MRGPRF: variants seen among roughly 807,000 people sequenced by gnomAD.
MRGPRF encodes MAS related GPR family member F, also known as mas-related G protein-coupled receptor member F.
Under a neutral mutation model 3.3 loss-of-function variants are expected in MRGPRF, and 2 were observed. The ratio of observed to expected loss-of-function variants is 0.61; its 90% CI spans 0.25 to 1.92. The LOEUF is 1.92. Among genes scored for constraint, MRGPRF ranks in the 40% most tolerant of loss-of-function variants. MRGPRF has a pLI of 0.16. For missense variants in MRGPRF, 500 were observed against 476.0 expected (o/e 1.05, Z -0.47); for synonymous variants, 242 against 222.7 (o/e 1.09, Z -0.77).
chr11:69,005,892 C>G lies in MRGPRF; in HGVS notation c.418G>C (p.Glu140Gln), dbSNP rs754875925. The G allele has an allele frequency of 2.5e-6, 4 of 1,569,294 alleles. No individual in the cohort carries two copies. The highest frequency in any genetic ancestry group is 1.3e-5 in the African/African-American group (1 of 74,252). Residue 140 changes from glutamate (E) to glutamine (Q), a missense_variant, in exon 3 of 3, where the codon GAG becomes CAG. By Grantham distance (29) the Glu-to-Gln change is conservative. Coordinates refer to ENST00000309099, the MANE Select transcript of MRGPRF (RefSeq NM_145015.5). Reference sequence around the variant, plus strand: ...GGGAAGATGACCGAGGCGCAGCGCTCGGCGCTGACGGCCGGCAGGAGGCTC... The same window carrying G: ...GGGAAGATGACCGAGGCGCAGCGCTGGGCGCTGACGGCCGGCAGGAGGCTC... ...GVSLLPAVSA[E>Q]RCASVIFPAW...
Position 69,013,193 on chromosome 11 carries a change from C to T in MRGPRF, c.-167G>A, listed in dbSNP as rs974752745. Reference sequence around the variant, plus strand: ...CAGCAGGCCAGCGCCGAGCGCGGCCCGGAGCCTTGGAAAATAGGAGCTCAG... The same window carrying T: ...CAGCAGGCCAGCGCCGAGCGCGGCCTGGAGCCTTGGAAAATAGGAGCTCAG... On this transcript the variant is annotated 5_prime_UTR_variant, in exon 1 of 3. Coordinates refer to ENST00000309099, the MANE Select transcript of MRGPRF (RefSeq NM_145015.5). 3 of 152,244 alleles carry T rather than the reference C, an allele frequency of 2.0e-5. No individual in the cohort carries two copies. The highest frequency in any genetic ancestry group is 4.8e-5 in the African/African-American group (2 of 41,438). 9.4% of individuals were successfully genotyped at this position (152,244 alleles called of 1,614,324 possible).
In MRGPRF at chr11:69,005,506, C is replaced by T. The variant is rs1422999419; in HGVS notation, c.804G>A (p.Pro268=). The stretch of plus-strand genomic sequence containing the variant: ...CAGTGACGTACTCGGGGAAGGGGGC[C>T]GGGATCTGGAAGACCCAGAAGAGGA... ...DWFLFWVFQI[P]APFPEYVTDL... The change falls in exon 3 of 3, where the codon CCG becomes CCA. Residue 268 remains proline, a synonymous_variant. Coordinates refer to ENST00000309099, the MANE Select transcript of MRGPRF (RefSeq NM_145015.5). 8.2e-6 allele frequency: 13 copies of T among 1,579,588 alleles called. No individual in the cohort carries two copies. Among genetic ancestry groups the T allele is most frequent in the Admixed American group, 3.6e-5 (2 of 54,818 alleles).
In MRGPRF at chr11:69,010,515, C is replaced by T. The variant is rs575005895; in HGVS notation, c.-56-558G>A. On this transcript the variant is annotated intron_variant, in intron 1 of 2. Transcript: ENST00000309099. ...CCGGTCATCAGCATCACTGTCACCA[C>T]CACTTACCCTGCCAGCCCGCCTACA... Among the ~76,000 whole-genome samples, 9 of 152,302 alleles carry T rather than the reference C, an allele frequency of 5.9e-5. No homozygotes were observed. The East Asian group carries it at 1.4e-3, about 23-fold the overall frequency.
At position 69,005,563 on chromosome 11, in the gene MRGPRF, C is replaced by T. The variant is rs558259656; in HGVS notation, c.747G>A (p.Leu249=). Residue 249 remains leucine (L), a synonymous_variant, in exon 3 of 3, where the codon CTG becomes CTA. Transcript: ENST00000309099. ...CGATCCCTAAGTAGATGGAGGACAC[C>T]AGGAAGACGGAGACCATGGCCAGGA... ...HVILAMVSVF[L]VSSIYLGIDW... is the part of the protein sequence containing the mutation. 5.0e-6 allele frequency: 8 copies of T among 1,586,150 alleles called. No homozygotes were observed. The African/African-American group carries it at 1.1e-4, about 21-fold the overall frequency.
At chr11:69,011,932 C>T (rs1002170229) in intron 1 of MRGPRF, among the ~76,000 whole-genome samples, 2 of 152,246 alleles carry the variant, frequency 1.3e-5, no homozygotes, top group Non-Finnish European at 2.9e-5. Context: ...CTACCATCTG[C>T]GTCCCTCCAT....
In MRGPRF at chr11:69,005,095, G is replaced by A. The variant is rs1860441375; in HGVS notation, c.*183C>T. The A allele has an allele frequency of 1.4e-6, 1 of 698,640 alleles. No homozygotes were observed. The highest frequency in any genetic ancestry group is 1.8e-5 in the African/African-American group (1 of 55,368). The allele number at this position is 698,640 out of a possible 1,614,324, so 43.3% of individuals were successfully genotyped here. On this transcript the variant is annotated 3_prime_UTR_variant, in exon 3 of 3. Transcript: ENST00000309099. ...CGGGCAGGGGCCACAGGGTCTGTTT[G>A]CTGGTGGCTGCCCAGTCTCCCAGCC...
chr11:69,007,141 G>A (rs1294536142), intron 2 of MRGPRF, among the ~76,000 whole-genome samples: 1 of 152,220 alleles, frequency 6.6e-6, no homozygotes, highest in Non-Finnish European at 1.5e-5. Context: ...ATGTGGCTAC[G>A]GGAACGTCCT....
chr11:69,006,624 T>C (rs958196470), intron 2 of MRGPRF, among the ~76,000 whole-genome samples: 7 of 143,334 alleles, frequency 4.9e-5, no homozygotes, highest in Non-Finnish European at 7.6e-5. Flanking sequence ...TTTCCCTTTT[T>C]TTTTTTTTTT....
chr11:69,008,266 CT>C (rs1444374837), intron 2 of MRGPRF, among the ~76,000 whole-genome samples: 1 of 152,246 alleles, frequency 6.6e-6, no homozygotes, highest in African/African-American at 2.4e-5. Context: ...CCTCTCCGAC[CT>C]TTCCCCCCAG....
intron 1 of MRGPRF, among the ~76,000 whole-genome samples, chr11:69,011,342 C>T (rs1860593492): frequency 6.6e-6 from 1 of 152,178 alleles, no homozygotes; most frequent in Admixed American, 6.5e-5. Flanking sequence ...TCCCCTCGGC[C>T]CCGCGCTGCC....
At position 69,006,083 on chromosome 11, in the gene MRGPRF, T is replaced by G. The variant is rs1308314260; in HGVS notation, c.227A>C (p.Asn76Thr). ...LWFFGFSIKR[N>T]PFSIYFLHLA... ...GTGCAGGAAGTAGATGGAGAAGGGG[T>G]TCCTCTTGATGGAGAAGCCGAAAAA... The change falls in exon 3 of 3, where the codon AAC becomes ACC. Residue 76 changes from asparagine (N) to threonine (T), a missense_variant. By Grantham distance (65) the Asn-to-Thr change is moderately conservative. Transcript: ENST00000309099. 1 of 1,609,744 alleles carries G rather than the reference T, an allele frequency of 6.2e-7. No homozygotes were observed. Among genetic ancestry groups the G allele is most frequent in the East Asian group, 2.2e-5 (1 of 44,704 alleles).
intron 2 of MRGPRF, among the ~76,000 whole-genome samples, chr11:69,006,527 A>G (rs1860494200): frequency 6.6e-6 from 1 of 152,046 alleles, no homozygotes. Flanking sequence ...GTAGCACCAG[A>G]CAGTGCCCAG....
In MRGPRF at chr11:69,005,096, C is replaced by T; in HGVS notation, c.*182G>A. The T allele has an allele frequency of 4.2e-6, 3 of 707,476 alleles. No individual in the cohort carries two copies. The highest frequency in any genetic ancestry group is 2.2e-5 in the South Asian group (1 of 45,590). 43.8% of individuals were successfully genotyped at this position (707,476 alleles called of 1,614,324 possible). A position where few individuals can be genotyped will look rare whatever the true frequency, so the allele number is the denominator to read the frequency against. The stretch of plus-strand genomic sequence containing the variant: ...GGGCAGGGGCCACAGGGTCTGTTTG[C>T]TGGTGGCTGCCCAGTCTCCCAGCCA... On this transcript the variant is annotated 3_prime_UTR_variant, in exon 3 of 3. Coordinates refer to ENST00000309099, the MANE Select transcript of MRGPRF (RefSeq NM_145015.5).
At position 69,009,991 on chromosome 11, in the gene MRGPRF, C is replaced by G. The variant is rs1860564430; in HGVS notation, c.-56-34G>C. 9.2e-5 allele frequency: 129 copies of G among 1,406,344 alleles called. 1 individual carries two copies. The South Asian group carries it at 1.7e-3, about 19-fold the overall frequency. The allele number at this position is 1,406,344 out of a possible 1,614,324, so 87.1% of individuals were successfully genotyped here. ...AGCCCAGAGAGAGGGTGGATGAGGA[C>G]AGCAGGGACCCCTCCCCTTCCTGGA... is the stretch of plus-strand genomic sequence containing the variant. On this transcript the variant is annotated intron_variant, in intron 1 of 2. Coordinates refer to ENST00000309099, the MANE Select transcript of MRGPRF (RefSeq NM_145015.5).
chr11:69,011,017 G>A (rs368318225), intron 1 of MRGPRF, among the ~76,000 whole-genome samples: 1 of 152,166 alleles, frequency 6.6e-6, no homozygotes, highest in East Asian at 1.9e-4. Flanking sequence ...GCACAGCCCA[G>A]GTCGCAGGCT....
At chr11:69,010,174 C>T (rs1248724592) in intron 1 of MRGPRF, among the ~76,000 whole-genome samples, 1 of 152,242 alleles carries the variant, frequency 6.6e-6, no homozygotes, top group East Asian at 1.9e-4. Flanking sequence ...CTGTGGACTC[C>T]GCGTCAGCCC....
Position 69,005,929 on chromosome 11 carries a change from G to A in MRGPRF, c.381C>T (p.Phe127=), listed in dbSNP as rs1405421356. The part of the protein sequence containing the change: ...SVCRVLGLCM[F]LTGVSLLPAV... ...CCGGCAGGAGGCTCACGCCGGTAAG[G>A]AACATGCAGAGCCCCAGGACCCGGC... Residue 127 remains phenylalanine (F), a synonymous_variant, in exon 3 of 3, where the codon TTC becomes TTT. Transcript: ENST00000309099. The A allele has an allele frequency of 7.6e-6, 12 of 1,576,302 alleles. No individual in the cohort carries two copies. The highest frequency in any genetic ancestry group is 5.7e-5 in the Admixed American group (3 of 53,044).
intron 1 of MRGPRF, among the ~76,000 whole-genome samples, chr11:69,012,010 G>T (rs1213094525): frequency 1.3e-5 from 2 of 152,230 alleles, no homozygotes; most frequent in Non-Finnish European, 2.9e-5. Flanking sequence ...TTTCACGCAT[G>T]CACAGAAAGA....
At position 69,005,176 on chromosome 11, in the gene MRGPRF, T is replaced by G; in HGVS notation, c.*102A>C. On this transcript the variant is annotated 3_prime_UTR_variant, in exon 3 of 3. Transcript: ENST00000309099. ...AGGCCCGAGGAGAGGAAACAGATCT[T>G]TCTTCTCCTGTATGGACTCAGAAGC... The G allele has an allele frequency of 1.5e-6, 2 of 1,369,766 alleles. No individual in the cohort carries two copies. The highest frequency in any genetic ancestry group is 1.9e-6 in the Non-Finnish European group (2 of 1,041,942). 84.9% of individuals were successfully genotyped at this position (1,369,766 alleles called of 1,614,324 possible).
Sources: allele counts gnomAD v4.1 joint callset (sites outside exome capture counted in the v4.1 genomes callset), GRCh38; gene constraint gnomAD v4.1.1; transcripts MANE v1.5; gene names NCBI Gene and HGNC (gene_info 2026-07-23, HGNC 2026-07-21).